The following MAPKAP1 variants were observed in gnomAD, a reference collection of about 807,000 sequenced individuals.
The protein encoded by MAPKAP1 is MAPK associated protein 1.
A neutral mutation model predicts 65.7 loss-of-function variants in MAPKAP1; 20 were observed. The ratio of observed to expected loss-of-function variants is 0.30; its 90% CI spans 0.21 to 0.44. The LOEUF is 0.44. Ranked by LOEUF, MAPKAP1 falls within the 20% of genes least tolerant of loss-of-function variation. MAPKAP1 has a pLI of 1.00. For synonymous variants in MAPKAP1, 222 were observed against 244.3 expected (o/e 0.91, Z 0.85); for missense variants, 423 against 648.0 (o/e 0.65, Z 3.77).
At chr9:125,590,247 G>A (rs956730334) in intron 4 of MAPKAP1, among the ~76,000 whole-genome samples, 1 of 152,196 alleles carries the variant, frequency 6.6e-6, no homozygotes, top group Non-Finnish European at 1.5e-5. Context: ...CAGAAAGGGC[G>A]TCTGTGTTGA....
intron 4 of MAPKAP1, among the ~76,000 whole-genome samples, chr9:125,632,560 A>C (rs1456565378): frequency 6.6e-6 from 1 of 152,142 alleles, no homozygotes. Flanking sequence ...TGCCACCCCC[A>C]TACACAAATG....
intron 7 of MAPKAP1, among the ~76,000 whole-genome samples, chr9:125,525,064 G>T (rs1290688234): frequency 1.3e-5 from 2 of 152,184 alleles, no homozygotes; most frequent in Non-Finnish European, 2.9e-5. Context: ...GACTCAATTT[G>T]AGCTGGGTTC....
chr9:125,626,092 G>T (rs1833110911), intron 4 of MAPKAP1, among the ~76,000 whole-genome samples: 1 of 152,226 alleles, frequency 6.6e-6, no homozygotes, highest in Non-Finnish European at 1.5e-5. Context: ...ACTGTTAAGT[G>T]TAAGAGGAAC....
intron 7 of MAPKAP1, among the ~76,000 whole-genome samples, chr9:125,507,713 C>A (rs906673908): frequency 1.3e-5 from 2 of 152,140 alleles, no homozygotes; most frequent in African/African-American, 4.8e-5. Context: ...AGCTTTTAAA[C>A]CTTTGTAAGT....
At chr9:125,599,217 AT>A in intron 4 of MAPKAP1, among the ~76,000 whole-genome samples, 1 of 152,286 alleles carries the variant, frequency 6.6e-6, no homozygotes, top group Admixed American at 6.5e-5. Context: ...CTGAAGGGTC[AT>A]CCCCTTTGAA....
chr9:125,689,462 A>AACC (rs34657276), intron 1 of MAPKAP1, among the ~76,000 whole-genome samples: 2 of 105,088 alleles, frequency 1.9e-5, no homozygotes, highest in Non-Finnish European at 2.2e-5. Flanking sequence ...AAAAAAAAAA[A>AACC]CAGGCCAGGC....
chr9:125,588,377 T>C (rs1483093465), intron 4 of MAPKAP1, among the ~76,000 whole-genome samples: 1 of 152,122 alleles, frequency 6.6e-6, no homozygotes, highest in Non-Finnish European at 1.5e-5. Context: ...AGAAAGTAGA[T>C]TAGCGGTTGG....
At chr9:125,583,976 T>C (rs529073571) in intron 5 of MAPKAP1, among the ~76,000 whole-genome samples, 8 of 150,920 alleles carry the variant, frequency 5.3e-5, no homozygotes, top group Non-Finnish European at 1.0e-4. Context: ...GGTAGGAGAA[T>C]GGCGTGAACC....
intron 4 of MAPKAP1, among the ~76,000 whole-genome samples, chr9:125,602,644 A>T (rs486941): frequency 0.93 from 140,853 of 152,226 alleles, 66,044 homozygotes; most frequent in East Asian, 1. Context: ...GCCCTTGCAC[A>T]CCCACCACAA....
intron 4 of MAPKAP1, among the ~76,000 whole-genome samples, chr9:125,615,148 T>C (rs915876750): frequency 3.3e-5 from 5 of 152,192 alleles, no homozygotes; most frequent in African/African-American, 1.2e-4. Flanking sequence ...ATCTTGAAAG[T>C]AGAATTTAAA....
intron 1 of MAPKAP1, among the ~76,000 whole-genome samples, chr9:125,686,982 C>A (rs966750292): frequency 9.2e-5 from 14 of 152,118 alleles, no homozygotes; most frequent in African/African-American, 3.4e-4. Flanking sequence ...GCCACCACCA[C>A]GCCCGGCTAA....
intron 7 of MAPKAP1, among the ~76,000 whole-genome samples, chr9:125,532,202 G>A (rs1829952879): frequency 6.6e-6 from 1 of 152,102 alleles, no homozygotes; most frequent in Non-Finnish European, 1.5e-5. Flanking sequence ...CACTCCATGT[G>A]CTCTCTTTCT....
intron 4 of MAPKAP1, among the ~76,000 whole-genome samples, chr9:125,609,982 C>A (rs1021916260): frequency 3.9e-5 from 6 of 152,178 alleles, no homozygotes; most frequent in Non-Finnish European, 8.8e-5. Flanking sequence ...AAAGGTCACA[C>A]AGCCAGTAAG....
intron 10 of MAPKAP1, among the ~76,000 whole-genome samples, chr9:125,450,678 C>CT (rs1852911795): frequency 6.6e-6 from 1 of 152,180 alleles, no homozygotes; most frequent in Non-Finnish European, 1.5e-5. Flanking sequence ...GGCATGGATA[C>CT]TTTTTGAAAA....
rs481345 is a variant in MAPKAP1, at chr9:125,596,065, T to C, written c.499-10338A>G. The C allele has an allele frequency of 7.9e-4, 942 of 1,197,796 alleles. 2 individuals carry two copies. The highest frequency in any genetic ancestry group is 9.7e-4 in the Non-Finnish European group (789 of 815,844). 74.2% of individuals were successfully genotyped at this position (1,197,796 alleles called of 1,614,324 possible). A position where few individuals can be genotyped will look rare whatever the true frequency, so the allele number is the denominator to read the frequency against. Reference sequence around the variant, plus strand: ...GAACAGCGTGGAAAAACTGAAGTGATTGAAATCACGACTGACCGAGGCAGT... The same window carrying C: ...GAACAGCGTGGAAAAACTGAAGTGACTGAAATCACGACTGACCGAGGCAGT... On this transcript the variant is annotated intron_variant, in intron 4 of 11. Coordinates refer to ENST00000265960, the MANE Select transcript of MAPKAP1 (RefSeq NM_001006617.3).
At chr9:125,536,438 T>C (rs1295063199) in intron 7 of MAPKAP1, among the ~76,000 whole-genome samples, 1 of 152,228 alleles carries the variant, frequency 6.6e-6, no homozygotes, top group African/African-American at 2.4e-5. Flanking sequence ...GGTCACTGGA[T>C]ATAGAGTGTC....
At chr9:125,504,748 A>T (rs1829088773) in intron 8 of MAPKAP1, among the ~76,000 whole-genome samples, 1 of 152,122 alleles carries the variant, frequency 6.6e-6, no homozygotes, top group Non-Finnish European at 1.5e-5. Flanking sequence ...AGCCTAGATC[A>T]CACTACCGAA....
At chr9:125,547,349 G>T (rs1438802713) in intron 6 of MAPKAP1, among the ~76,000 whole-genome samples, 1 of 152,162 alleles carries the variant, frequency 6.6e-6, no homozygotes, top group Non-Finnish European at 1.5e-5. Flanking sequence ...TACTGGAGAG[G>T]AAAGGGCATA....
rs4838268 is a variant in MAPKAP1 at position 125,518,036 on chromosome 9, G to A, written c.959-11619C>T. On this transcript the variant is annotated intron_variant, in intron 7 of 11. Coordinates refer to ENST00000265960, the MANE Select transcript of MAPKAP1 (RefSeq NM_001006617.3). ...GGCTCTTTGTTGGTGCTTAATAATC[G>A]TTGTTAAATAGAATGCCTTCCACAA... 2.2e-4 allele frequency among the ~76,000 whole-genome samples: 34 copies of A among 152,116 alleles called. 1 individual carries two copies. The East Asian group carries it at 6.4e-3, about 29-fold the overall frequency.
Sources: gnomAD v4.1 joint callset for allele counts (sites outside exome capture counted in the v4.1 genomes callset) on GRCh38, gnomAD v4.1.1 for gene constraint, MANE v1.5 for transcripts, NCBI Gene and HGNC (gene_info 2026-07-23, HGNC 2026-07-21) for gene names.